PPP2R2B: variants seen among roughly 807,000 people sequenced by gnomAD.
PPP2R2B encodes the protein protein phosphatase 2 regulatory subunit Bbeta, also known as serine/threonine-protein phosphatase 2A 55 kDa regulatory subunit B beta isoform.
PPP2R2B carries 5 observed loss-of-function variants against 46.0 expected under a neutral mutation model. The observed-to-expected ratio is 0.11, with a 90% CI of 0.06 to 0.23. The LOEUF (loss-of-function observed/expected upper bound fraction) is 0.23, where lower values mean the gene tolerates loss of function less well. Ranked by LOEUF, PPP2R2B falls within the 10% of genes least tolerant of loss-of-function variation. The pLI is 1.00. For missense variants in PPP2R2B, 367 were observed against 575.0 expected (o/e 0.64, Z 3.70); for synonymous variants, 215 against 206.7 (o/e 1.04, Z -0.34).
chr5:146,831,169 T>A, intron 2 of PPP2R2B, among the ~76,000 whole-genome samples: 1 of 152,072 alleles, frequency 6.6e-6, no homozygotes, highest in East Asian at 1.9e-4. Flanking sequence ...GTGTACTCCT[T>A]CTGCTTATAA....
intron 1 of PPP2R2B, among the ~76,000 whole-genome samples, chr5:146,888,841 G>A (rs1336425796): frequency 1.1e-4 from 16 of 152,116 alleles, no homozygotes; most frequent in Non-Finnish European, 1.5e-5. Flanking sequence ...ATAGCTCAGT[G>A]CTTTACTTCT....
At position 146,991,973 on chromosome 5, in the gene PPP2R2B, T is replaced by A. The variant is rs371796228; in HGVS notation, c.79+63692A>T. Among the ~76,000 whole-genome samples the A allele has an allele frequency of 5.3e-5, 8 of 152,222 alleles. No homozygotes were observed. In the East Asian group the frequency reaches 1.5e-3, roughly 29 times the overall value. ...AAAGCAATCTACAGAGTCCATGGAA[T>A]CCATATCAAAATTCCAATGTTAAAA... On this transcript the variant is annotated intron_variant, in intron 1 of 8. Coordinates refer to the PPP2R2B transcript ENST00000336640.
chr5:146,929,117 C>T (rs1763883334), intron 1 of PPP2R2B, among the ~76,000 whole-genome samples: 2 of 152,186 alleles, frequency 1.3e-5, no homozygotes, highest in Admixed American at 1.3e-4. Flanking sequence ...CTATCCTTCC[C>T]ATCTGTGTGT....
In PPP2R2B at chr5:146,617,698, C is replaced by CT. The variant is rs537190222; in HGVS notation, c.791-17239dup. On this transcript the variant is annotated intron_variant, in intron 7 of 9. Transcript: ENST00000394411. The stretch of plus-strand genomic sequence containing the variant: ...TCCTCTCATCTCTCTCTCTCTCTCT[C>CT]TTTTTTTTTTTTTTGAAGCAGAGTC... Among the ~76,000 whole-genome samples the CT allele has an allele frequency of 6.6e-3, 931 of 141,684 alleles. 4 individuals carry two copies. The highest frequency in any genetic ancestry group is 0.019 in the African/African-American group (720 of 37,818). 93.0% of individuals were successfully genotyped at this position (141,684 alleles called of 152,430 possible). A position where few individuals can be genotyped will look rare whatever the true frequency, so the allele number is the denominator to read the frequency against.
chr5:147,080,968 G>A, intron 2 of PPP2R2B: 1 of 1,260,168 alleles, frequency 7.9e-7, no homozygotes, highest in Non-Finnish European at 1.1e-6. Context: ...TGGGGACTTA[G>A]ATTCATGAAA....
chr5:146,811,718 G>A lies in PPP2R2B; in HGVS notation c.70+66284C>T, dbSNP rs535795273. 2.8e-4 allele frequency among the ~76,000 whole-genome samples: 41 copies of A among 146,470 alleles called. No individual in the cohort carries two copies. In the East Asian group the frequency reaches 7.0e-3, roughly 25 times the overall value. On this transcript the variant is annotated intron_variant, in intron 2 of 9. Coordinates refer to ENST00000394411, the MANE Select transcript of PPP2R2B (RefSeq NM_181675.4). ...TGTGACTACAGGCGCCCACCACCAC[G>A]CCCGGCTAATTTTTTTTTTTTTTTT... is the stretch of plus-strand genomic sequence containing the variant.
At chr5:146,730,958 G>A (rs1013111894) in intron 2 of PPP2R2B, among the ~76,000 whole-genome samples, 2 of 152,166 alleles carry the variant, frequency 1.3e-5, no homozygotes, top group East Asian at 1.9e-4. Context: ...AAACCGATGA[G>A]GCCTTCGAGG....
At chr5:146,921,019 G>T (rs1206904089) in intron 1 of PPP2R2B, among the ~76,000 whole-genome samples, 1 of 152,092 alleles carries the variant, frequency 6.6e-6, no homozygotes, top group East Asian at 1.9e-4. Flanking sequence ...CTTTTCTAGG[G>T]TGCAGGGTAC....
intron 2 of PPP2R2B, among the ~76,000 whole-genome samples, chr5:146,832,889 T>A (rs1212555236): frequency 6.6e-6 from 1 of 151,980 alleles, no homozygotes; most frequent in African/African-American, 2.4e-5. Flanking sequence ...GTAAGTACAC[T>A]CTGGTGTTCA....
chr5:146,719,294 G>A (rs1387205079), intron 2 of PPP2R2B, among the ~76,000 whole-genome samples: 2 of 152,164 alleles, frequency 1.3e-5, no homozygotes, highest in African/African-American at 4.8e-5. Flanking sequence ...CACTTAGAAT[G>A]GTACCTGACA....
intron 2 of PPP2R2B, among the ~76,000 whole-genome samples, chr5:146,871,306 A>G (rs1761602547): frequency 6.6e-6 from 1 of 152,196 alleles, no homozygotes; most frequent in Non-Finnish European, 1.5e-5. Flanking sequence ...GCTGTGGCCC[A>G]GGCAACTATA....
rs999762125 is a variant in PPP2R2B, at chr5:147,074,066, C to T, written c.50+6993G>A. Among the ~76,000 whole-genome samples, 15 of 151,864 alleles carry T rather than the reference C, an allele frequency of 9.9e-5. No individual in the cohort carries two copies. In the South Asian group the frequency reaches 2.9e-3, roughly 29 times the overall value. On this transcript the variant is annotated intron_variant, in intron 2 of 10. Transcript: ENST00000394413. Reference sequence around the variant, plus strand: ...AAAAAAAAAAGAATTATTTGGAATGCTTGTGAAATACACAGGTCCTTTGAC... The same window carrying T: ...AAAAAAAAAAGAATTATTTGGAATGTTTGTGAAATACACAGGTCCTTTGAC...
At chr5:146,972,564 T>G (rs1752706839) in intron 1 of PPP2R2B, among the ~76,000 whole-genome samples, 1 of 151,896 alleles carries the variant, frequency 6.6e-6, no homozygotes, top group Non-Finnish European at 1.5e-5. Flanking sequence ...ATACAAAAAT[T>G]AGCTGGGCAT....
intron 2 of PPP2R2B, among the ~76,000 whole-genome samples, chr5:146,736,233 C>G (rs187338450): frequency 2.0e-5 from 3 of 152,130 alleles, no homozygotes; most frequent in African/African-American, 7.2e-5. Context: ...TGAGGCCTCC[C>G]CAGCCATACT....
At chr5:146,868,101 G>T (rs1761414139) in intron 2 of PPP2R2B, among the ~76,000 whole-genome samples, 1 of 152,200 alleles carries the variant, frequency 6.6e-6, no homozygotes, top group African/African-American at 2.4e-5. Context: ...TCACCAGATG[G>T]TTATTTGTTC....
chr5:147,043,273 G>A (rs1756397548), intron 1 of PPP2R2B, among the ~76,000 whole-genome samples: 1 of 152,080 alleles, frequency 6.6e-6, no homozygotes, highest in East Asian at 1.9e-4. Flanking sequence ...ATAGTTTGAA[G>A]CCCCAACCCC....
rs572632071 is a variant in PPP2R2B, at chr5:146,761,910, A to T, written c.71-60768T>A. ...CACTAATCTAGGATGTTTGTCAGAT[A>T]GCAAACCGCATTGAGCTCTCTGCAG... On this transcript the variant is annotated intron_variant, in intron 2 of 9. Transcript: ENST00000394411. 5.3e-5 allele frequency among the ~76,000 whole-genome samples: 8 copies of T among 152,308 alleles called. No individual in the cohort carries two copies. The South Asian group carries it at 1.7e-3, about 32-fold the overall frequency.
chr5:146,635,397 A>C (rs1032276255), intron 7 of PPP2R2B, among the ~76,000 whole-genome samples: 2 of 151,918 alleles, frequency 1.3e-5, no homozygotes, highest in Non-Finnish European at 2.9e-5. Context: ...AGTACCAATT[A>C]GTTATTTACC....
intron 1 of PPP2R2B, among the ~76,000 whole-genome samples, chr5:146,983,567 C>A (rs1304042962): frequency 1.3e-5 from 2 of 152,112 alleles, no homozygotes; most frequent in Non-Finnish European, 2.9e-5. Context: ...CTCCTGGGGG[C>A]GTCATTTTCC....
Sources: gnomAD v4.1 joint callset for allele counts (sites outside exome capture counted in the v4.1 genomes callset) on GRCh38, gnomAD v4.1.1 for gene constraint, MANE v1.5 for transcripts, NCBI Gene and HGNC (gene_info 2026-07-23, HGNC 2026-07-21) for gene names.